KSR2: variants seen among roughly 807,000 people sequenced by gnomAD.
KSR2 encodes kinase suppressor of ras 2.
Under a neutral mutation model 107.8 loss-of-function variants are expected in KSR2, and 25 were observed. The observed-to-expected ratio is 0.23, with a 90% CI of 0.17 to 0.32. The LOEUF is 0.32. KSR2 is among the 10% of genes least tolerant of loss of function. KSR2 has a pLI of 1.00. For synonymous variants in KSR2, 480 were observed against 507.0 expected (o/e 0.95, Z 0.71); for missense variants, 887 against 1,268.9 (o/e 0.70, Z 4.57).
intron 16 of KSR2, among the ~76,000 whole-genome samples, chr12:117,478,047 G>A (rs1871901178): frequency 6.6e-6 from 1 of 152,130 alleles, no homozygotes; most frequent in Non-Finnish European, 1.5e-5. Context: ...CTAGGAACTG[G>A]CTCATTAACA....
chr12:117,709,867 C>T (rs1343492241), intron 4 of KSR2, among the ~76,000 whole-genome samples: 5 of 152,198 alleles, frequency 3.3e-5, no homozygotes. Flanking sequence ...GGACTCCAGA[C>T]ATTGCCCGCT....
intron 5 of KSR2, among the ~76,000 whole-genome samples, chr12:117,601,920 T>G (rs1182715317): frequency 6.6e-6 from 1 of 152,168 alleles, no homozygotes; most frequent in Non-Finnish European, 1.5e-5. Flanking sequence ...GCAAACATTT[T>G]CAGTACAGTG....
At chr12:117,674,271 C>A (rs764624168) in intron 4 of KSR2, 16 of 507,228 alleles carry the variant, frequency 3.2e-5, no homozygotes, top group Admixed American at 2.6e-4. Flanking sequence ...CAAGCCACCA[C>A]CTTCTTCTCA....
chr12:117,698,459 G>C (rs376677153), intron 4 of KSR2, among the ~76,000 whole-genome samples: 37 of 152,060 alleles, frequency 2.4e-4, no homozygotes, highest in East Asian at 1.8e-3. Context: ...GGGACTATGG[G>C]CATGCACCAC....
chr12:117,623,512 G>A (rs976067722), intron 5 of KSR2, among the ~76,000 whole-genome samples: 2 of 152,146 alleles, frequency 1.3e-5, no homozygotes, highest in African/African-American at 4.8e-5. Flanking sequence ...AGTTTGCTGA[G>A]AATGATGGTT....
intron 1 of KSR2, among the ~76,000 whole-genome samples, chr12:117,904,903 C>A (rs927891870): frequency 6.6e-6 from 1 of 152,100 alleles, no homozygotes; most frequent in Non-Finnish European, 1.5e-5. Flanking sequence ...GTATTCTGGC[C>A]GGGCACGGTG....
At chr12:117,921,616 G>T (rs746624715) in intron 1 of KSR2, among the ~76,000 whole-genome samples, 6 of 152,116 alleles carry the variant, frequency 3.9e-5, no homozygotes, top group Non-Finnish European at 7.3e-5. Flanking sequence ...GTTACTTCAC[G>T]TCTCTGAATG....
At chr12:117,902,406 G>C (rs1179132215) in intron 1 of KSR2, among the ~76,000 whole-genome samples, 1 of 149,486 alleles carries the variant, frequency 6.7e-6, no homozygotes, top group Non-Finnish European at 1.5e-5. Context: ...TGAGGCAGGA[G>C]AATCACTTGA....
chr12:117,711,711 A>T (rs1300297396), intron 4 of KSR2, among the ~76,000 whole-genome samples: 1 of 152,208 alleles, frequency 6.6e-6, no homozygotes, highest in Non-Finnish European at 1.5e-5. Flanking sequence ...TTGATTTCTC[A>T]TGGAAGGATC....
At chr12:117,610,808 A>G (rs1030116398) in intron 5 of KSR2, among the ~76,000 whole-genome samples, 2 of 151,834 alleles carry the variant, frequency 1.3e-5, no homozygotes, top group African/African-American at 4.8e-5. Context: ...GAATACATGT[A>G]TAAGTAGGTA....
At chr12:117,819,939 TA>T (rs1259332312) in intron 3 of KSR2, among the ~76,000 whole-genome samples, 1 of 152,176 alleles carries the variant, frequency 6.6e-6, no homozygotes, top group Non-Finnish European at 1.5e-5. Context: ...GAAAAAAGCC[TA>T]AAAGGTTTTA....
At chr12:117,719,223 C>A (rs11068646) in intron 4 of KSR2, among the ~76,000 whole-genome samples, 18 of 152,212 alleles carry the variant, frequency 1.2e-4, no homozygotes, top group Admixed American at 9.2e-4. Flanking sequence ...TCTTTCCCCC[C>A]CTCCACCCCA....
chr12:117,885,952 C>T lies in KSR2; in HGVS notation c.181-25521G>A, dbSNP rs1593339756. On this transcript the variant is annotated intron_variant, in intron 1 of 19. Coordinates refer to ENST00000339824, the MANE Select transcript of KSR2 (RefSeq NM_173598.6). ...CTACTAAAAATACCAAAAAAATTAGCCAACGGGGTGGCGGACGCCTGTAGC... is the reference window on the plus strand; with the variant it reads ...CTACTAAAAATACCAAAAAAATTAGTCAACGGGGTGGCGGACGCCTGTAGC... 5.3e-5 allele frequency among the ~76,000 whole-genome samples: 8 copies of T among 152,102 alleles called. 2 individuals carry two copies. Among genetic ancestry groups the T allele is most frequent in the Admixed American group, 5.2e-4 (8 of 15,262 alleles).
intron 4 of KSR2, among the ~76,000 whole-genome samples, chr12:117,692,360 G>T (rs1006954450): frequency 6.6e-6 from 1 of 150,398 alleles, no homozygotes; most frequent in Admixed American, 6.6e-5. Context: ...CACAGGTGAG[G>T]ATATAAAATG....
intron 3 of KSR2, among the ~76,000 whole-genome samples, chr12:117,815,857 C>A (rs1254695549): frequency 6.6e-6 from 1 of 152,008 alleles, no homozygotes; most frequent in Admixed American, 6.6e-5. Flanking sequence ...GGCCTGTAAT[C>A]CCAGCTACTC....
At chr12:117,587,284 G>A (rs1195517558) in intron 5 of KSR2, among the ~76,000 whole-genome samples, 4 of 152,190 alleles carry the variant, frequency 2.6e-5, no homozygotes, top group African/African-American at 9.6e-5. Flanking sequence ...GATTACGCGG[G>A]TGGAACTAAT....
chr12:117,578,915 T>G (rs942919314), intron 7 of KSR2, among the ~76,000 whole-genome samples: 29 of 152,346 alleles, frequency 1.9e-4, no homozygotes, highest in African/African-American at 7.0e-4. Flanking sequence ...GGATCTTCCA[T>G]TAGCTCTGGT....
intron 3 of KSR2, among the ~76,000 whole-genome samples, chr12:117,820,547 C>T (rs532729737): frequency 1.3e-5 from 2 of 152,200 alleles, no homozygotes; most frequent in South Asian, 2.1e-4. Flanking sequence ...ATTTGAAAAC[C>T]AGGCTCTGGC....
Position 117,457,017 on chromosome 12 carries a change from C to T in KSR2, c.*10182G>A, listed in dbSNP as rs1252058822. On this transcript the variant is annotated 3_prime_UTR_variant, in exon 20 of 20. Coordinates refer to ENST00000339824, the MANE Select transcript of KSR2 (RefSeq NM_173598.6). The stretch of plus-strand genomic sequence containing the variant: ...CCTGAGTAGCCTCAGAAAGCAACAC[C>T]AAGATTGCCGGATGCAAGTCTCAAG... 1.3e-5 allele frequency: 2 copies of T among 152,172 alleles called. No individual in the cohort carries two copies. Among genetic ancestry groups the T allele is most frequent in the Non-Finnish European group, 2.9e-5 (2 of 68,042 alleles). The allele number at this position is 152,172 out of a possible 1,614,324, so 9.4% of individuals were successfully genotyped here.
Sources: gnomAD v4.1 joint callset for allele counts (sites outside exome capture counted in the v4.1 genomes callset) on GRCh38, gnomAD v4.1.1 for gene constraint, MANE v1.5 for transcripts, NCBI Gene and HGNC (gene_info 2026-07-23, HGNC 2026-07-21) for gene names.